Variants in MAP3K13 observed in about 807,000 individuals in gnomAD.
MAP3K13 encodes the protein leucine zipper-bearing kinase.
A neutral mutation model predicts 104.0 loss-of-function variants in MAP3K13; 52 were observed. The ratio of observed to expected loss-of-function variants is 0.50; its 90% CI spans 0.40 to 0.63. The LOEUF (loss-of-function observed/expected upper bound fraction) is 0.63. Ranked by LOEUF, MAP3K13 falls within the 20% of genes least tolerant of loss-of-function variation. The pLI, the probability that MAP3K13 is intolerant of heterozygous loss-of-function variation, is 0.00. For missense variants in MAP3K13, 914 were observed against 1,218.5 expected (o/e 0.75, Z 3.72); for synonymous variants, 394 against 442.2 (o/e 0.89, Z 1.37).
chr3:185,435,204 G>A (rs1714966677), intron 2 of MAP3K13, among the ~76,000 whole-genome samples: 1 of 151,458 alleles, frequency 6.6e-6, no homozygotes, highest in South Asian at 2.1e-4. Context: ...TAGAGACGGG[G>A]TTTCACCATA....
In MAP3K13 at chr3:185,283,318, T is replaced by C. The variant is rs1405850079; in HGVS notation, c.-205+291T>C. 2.0e-5 allele frequency among the ~76,000 whole-genome samples: 3 copies of C among 152,130 alleles called. No homozygotes were observed. In the East Asian group the frequency reaches 5.8e-4, roughly 29 times the overall value. On this transcript the variant is annotated intron_variant, in intron 1 of 14. Transcript: ENST00000424227. Reference sequence around the variant, plus strand: ...GGGTTTCCGATCACTGGCGCTTATGTTGGAGAGACGGAGCCTGGGGCACTG... The same window carrying C: ...GGGTTTCCGATCACTGGCGCTTATGCTGGAGAGACGGAGCCTGGGGCACTG...
intron 2 of MAP3K13, among the ~76,000 whole-genome samples, chr3:185,294,006 T>G (rs757894587): frequency 2.0e-5 from 3 of 152,172 alleles, no homozygotes; most frequent in Non-Finnish European, 4.4e-5. Flanking sequence ...ATATTTTGCT[T>G]TTTAATTTTT....
In MAP3K13 at chr3:185,450,827, C is replaced by T. The variant is rs192794550; in HGVS notation, c.1170-460C>T. On this transcript the variant is annotated intron_variant, in intron 6 of 13. Transcript: ENST00000265026. The surrounding 1 kb of genome is among the most constrained non-coding windows in gnomAD (Gnocchi z 4.2). ...GTTAAGGGCCGGGTACGGTGGCTCACGCCTGTAATCCCAGCACTTTAGGAG... is the reference window on the plus strand; with the variant it reads ...GTTAAGGGCCGGGTACGGTGGCTCATGCCTGTAATCCCAGCACTTTAGGAG... Among the ~76,000 whole-genome samples the T allele has an allele frequency of 1.3e-5, 2 of 152,212 alleles. No individual in the cohort carries two copies. The highest frequency in any genetic ancestry group is 2.9e-5 in the Non-Finnish European group (2 of 68,000).
intron 1 of MAP3K13, among the ~76,000 whole-genome samples, chr3:185,365,896 CCTCCCCTCCCCT>C (rs1212174026): frequency 1.6e-5 from 1 of 64,100 alleles, no homozygotes; most frequent in African/African-American, 6.1e-5. Flanking sequence ...CCTCCCCTCC[CCTCCCCTCCCCT>C]CTCTTCCCCT....
chr3:185,482,365 A>C lies in MAP3K13; in HGVS notation c.2810A>C (p.Gln937Pro). Residue 937 changes from glutamine to proline, a missense_variant, in exon 14 of 14, where the codon CAG (glutamine) becomes CCG (proline). This residue lies in a region of MAP3K13 where 583 missense variants were observed against 737.4 expected (regional missense o/e 0.79). Transcript: ENST00000265026. The surrounding 1 kb of genome is among the most constrained non-coding windows in gnomAD (Gnocchi z 4.5). ...VEERGYENPM[Q>P]FEESDCDSSD... ...GTCTTGCCTTTGCAGAACCCCATGC[A>C]GTTTGAAGAATCGGACTGTGACTCT... 1 of 1,613,378 alleles carries C rather than the reference A, an allele frequency of 6.2e-7. No individual in the cohort carries two copies. Among genetic ancestry groups the C allele is most frequent in the Non-Finnish European group, 8.5e-7 (1 of 1,179,274 alleles).
intron 2 of MAP3K13, among the ~76,000 whole-genome samples, chr3:185,320,367 C>T (rs1721814474): frequency 6.6e-6 from 1 of 152,174 alleles, no homozygotes; most frequent in Non-Finnish European, 1.5e-5. Context: ...AGGCATGAGC[C>T]ATTGTGCCCG....
At chr3:185,288,874 A>G (rs1720632460) in intron 2 of MAP3K13, among the ~76,000 whole-genome samples, 1 of 152,200 alleles carries the variant, frequency 6.6e-6, no homozygotes, top group East Asian at 1.9e-4. Flanking sequence ...TTTGAATTGA[A>G]CTAGAACATA....
Position 185,428,358 on chromosome 3 carries a change from T to C in MAP3K13, c.-85-139T>C, listed in dbSNP as rs1714547282. ...CTTCCACAGCATAATTTTTCATTGC[T>C]GCACTCATTTCCATCACATGGACTA... is the stretch of plus-strand genomic sequence containing the variant. On this transcript the variant is annotated intron_variant, in intron 1 of 13. Coordinates refer to ENST00000265026, the MANE Select transcript of MAP3K13 (RefSeq NM_004721.5). The C allele has an allele frequency of 6.5e-6, 3 of 462,418 alleles. No individual in the cohort carries two copies. The East Asian group carries it at 1.0e-4, about 16-fold the overall frequency. The allele number at this position is 462,418 out of a possible 1,614,324, so 28.6% of individuals were successfully genotyped here.
intron 1 of MAP3K13, chr3:185,283,179 T>G (rs553761515): frequency 6.6e-6 from 1 of 152,554 alleles, no homozygotes; most frequent in East Asian, 1.9e-4. Context: ...CATTAGACTC[T>G]CTGAGGGGTT....
At chr3:185,422,473 A>T (rs895738793) in intron 1 of MAP3K13, among the ~76,000 whole-genome samples, 1 of 152,236 alleles carries the variant, frequency 6.6e-6, no homozygotes, top group South Asian at 2.1e-4. Flanking sequence ...TCTCATGCCA[A>T]TGGGAACAGG....
intron 12 of MAP3K13, among the ~76,000 whole-genome samples, chr3:185,478,699 C>T (rs1409433102): frequency 6.6e-6 from 1 of 151,892 alleles, no homozygotes; most frequent in South Asian, 2.1e-4. Flanking sequence ...CGGCGAAACC[C>T]CGTCTCTACT....
upstream of MAP3K13, among the ~76,000 whole-genome samples, chr3:185,362,673 T>C (rs529229192): frequency 9.9e-5 from 15 of 152,280 alleles, no homozygotes; most frequent in African/African-American, 2.6e-4. Flanking sequence ...AATTTTGCTT[T>C]TACAAGTCGT....
intron 1 of MAP3K13, among the ~76,000 whole-genome samples, chr3:185,386,289 T>C (rs1711683168): frequency 6.6e-6 from 1 of 152,016 alleles, no homozygotes; most frequent in Admixed American, 6.5e-5. Flanking sequence ...AAGACATACA[T>C]GTGGCCAACA....
chr3:185,449,388 A>AG (rs1401549000), intron 5 of MAP3K13, among the ~76,000 whole-genome samples: 1 of 149,558 alleles, frequency 6.7e-6, no homozygotes, highest in African/African-American at 2.4e-5. Context: ...AAAAAAAAAA[A>AG]AAAAAAGTTT....
At chr3:185,382,017 A>G (rs1724748155) in intron 1 of MAP3K13, among the ~76,000 whole-genome samples, 1 of 152,212 alleles carries the variant, frequency 6.6e-6, no homozygotes, top group East Asian at 1.9e-4. Flanking sequence ...TTTTAAAAGG[A>G]TGATGATGAA....
Position 185,482,519 on chromosome 3 carries a change from C to A in MAP3K13, c.*63C>A. On this transcript the variant is annotated 3_prime_UTR_variant, in exon 14 of 14. Transcript: ENST00000265026. This position sits in a 1 kb window ranked among gnomAD's most constrained non-coding sequence, Gnocchi z 4.5. ...TGGCATTTCAGATCCACCCCACCCC[C>A]AGACTCATCCCACTCTCTCCCAGCA... 1.7e-6 allele frequency: 2 copies of A among 1,202,958 alleles called. No individual in the cohort carries two copies. Among genetic ancestry groups the A allele is most frequent in the Non-Finnish European group, 2.5e-6 (2 of 813,586 alleles). The allele number at this position is 1,202,958 out of a possible 1,614,324, so 74.5% of individuals were successfully genotyped here.
At chr3:185,386,843 T>A (rs1389008143) in intron 1 of MAP3K13, among the ~76,000 whole-genome samples, 2 of 152,148 alleles carry the variant, frequency 1.3e-5, no homozygotes, top group African/African-American at 4.8e-5. Flanking sequence ...AAGTGGGAAC[T>A]AAATGATGAG....
chr3:185,292,507 C>T (rs746381564), intron 2 of MAP3K13: 10 of 269,558 alleles, frequency 3.7e-5, no homozygotes, highest in Admixed American at 6.5e-5. Flanking sequence ...ACCTTAACTT[C>T]GTCATCTATA....
Position 185,482,525 on chromosome 3 carries a change from C to A in MAP3K13, c.*69C>A. On this transcript the variant is annotated 3_prime_UTR_variant, in exon 14 of 14. Coordinates refer to ENST00000265026, the MANE Select transcript of MAP3K13 (RefSeq NM_004721.5). This position sits in a 1 kb window ranked among gnomAD's most constrained non-coding sequence, Gnocchi z 4.5. ...TTCAGATCCACCCCACCCCCAGACT[C>A]ATCCCACTCTCTCCCAGCATTTTGT... 1 of 1,135,498 alleles carries A rather than the reference C, an allele frequency of 8.8e-7. No individual in the cohort carries two copies. Among genetic ancestry groups the A allele is most frequent in the Non-Finnish European group, 1.3e-6 (1 of 756,008 alleles). 70.3% of individuals were successfully genotyped at this position (1,135,498 alleles called of 1,614,324 possible). A position where few individuals can be genotyped will look rare whatever the true frequency, so the allele number is the denominator to read the frequency against.
Sources: gnomAD v4.1 joint callset for allele counts (sites outside exome capture counted in the v4.1 genomes callset) on GRCh38, gnomAD v4.1.1 for gene constraint, gnomAD v4.1.1 regional missense constraint, Gnocchi (gnomAD v3.1) non-coding constraint, MANE v1.5 for transcripts, NCBI Gene and HGNC (gene_info 2026-07-23, HGNC 2026-07-21) for gene names.